Variants in ABCB1 observed in about 807,000 individuals in gnomAD.
ABCB1 encodes ATP binding cassette subfamily B member 1, also known as ATP-dependent translocase ABCB1.
ABCB1 carries 69 observed loss-of-function variants against 142.0 expected under a neutral mutation model. The observed-to-expected ratio is 0.49, with a 90% CI of 0.40 to 0.59. The LOEUF is 0.59. ABCB1 is among the 20% of genes least tolerant of loss of function. The pLI, the probability that ABCB1 is intolerant of heterozygous loss-of-function variation, is 0.00. For synonymous variants in ABCB1, 532 were observed against 539.2 expected, an observed-to-expected ratio of 0.99 and a Z score of 0.18; for missense variants, 1,326 against 1,554.7, an observed-to-expected ratio of 0.85 and a Z score of 2.47.
intron 23 of ABCB1, among the ~76,000 whole-genome samples, chr7:87,518,141 T>C (rs898966223): frequency 6.6e-6 from 1 of 152,258 alleles, no homozygotes; most frequent in Non-Finnish European, 1.5e-5. Flanking sequence ...CTCTGGACTC[T>C]ATGCCTATGT....
At chr7:87,566,742 G>A in intron 6 of ABCB1, 43 bp downstream of exon 6, 1 of 1,576,070 alleles carries the variant, frequency 6.3e-7, no homozygotes, top group Non-Finnish European at 8.7e-7. Context: ...TTTTACTAAG[G>A]ATAAGAACGA....
intron 1 of ABCB1, among the ~76,000 whole-genome samples, chr7:87,691,148 C>A (rs998768642): frequency 3.9e-5 from 6 of 152,012 alleles, no homozygotes; most frequent in African/African-American, 1.4e-4. Context: ...TCAGTCTTAT[C>A]AAGGAAAATT....
intron 22 of ABCB1, among the ~76,000 whole-genome samples, chr7:87,519,857 G>A (rs1815415918): frequency 6.6e-6 from 1 of 152,186 alleles, no homozygotes; most frequent in South Asian, 2.1e-4. Context: ...ACACCTACAA[G>A]GTGCAGGGGC....
chr7:87,655,085 A>G (rs957813017), intron 1 of ABCB1, among the ~76,000 whole-genome samples: 25 of 152,128 alleles, frequency 1.6e-4, no homozygotes, highest in African/African-American at 5.1e-4. Context: ...TAGGAATGTA[A>G]ATTTAGAACA....
At chr7:87,563,198 G>A (rs1277281836) in intron 7 of ABCB1, among the ~76,000 whole-genome samples, 6 of 152,116 alleles carry the variant, frequency 3.9e-5, no homozygotes, top group Non-Finnish European at 8.8e-5. Context: ...AAAAGCCCAG[G>A]ACCAGATGAA....
chr7:87,590,502 G>A (rs1473510332), intron 3 of ABCB1, among the ~76,000 whole-genome samples: 1 of 152,206 alleles, frequency 6.6e-6, no homozygotes, highest in Non-Finnish European at 1.5e-5. Flanking sequence ...GTCAGAGAAT[G>A]TCTTTCTCAG....
At chr7:87,593,990 AATG>A (rs1378864837) in intron 3 of ABCB1, among the ~76,000 whole-genome samples, 1 of 152,122 alleles carries the variant, frequency 6.6e-6, no homozygotes, top group East Asian at 1.9e-4. Context: ...CTGAACACAC[AATG>A]TTTTTTGTCT....
intron 1 of ABCB1, among the ~76,000 whole-genome samples, chr7:87,704,146 C>A (rs1489367581): frequency 6.6e-6 from 1 of 151,840 alleles, no homozygotes; most frequent in Non-Finnish European, 1.5e-5. Context: ...GTCTCGAACT[C>A]CTGAGTTCAA....
chr7:87,600,064 AT>A (rs1819380527), intron 2 of ABCB1, 52 bp downstream of exon 2: 2 of 1,497,270 alleles, frequency 1.3e-6, no homozygotes, highest in East Asian at 4.5e-5. Flanking sequence ...CTAGAAATAA[AT>A]TACTCAAATC....
rs17064 is a variant in ABCB1, at chr7:87,504,154, T to A, written c.*89A>T. Reference sequence around the variant, plus strand: ...GAAATGTTAAACAGATACCTCTTCATAATTCTGTAAGTGTTTGCTTTTAAC... The same window carrying A: ...GAAATGTTAAACAGATACCTCTTCAAAATTCTGTAAGTGTTTGCTTTTAAC... On this transcript the variant is annotated 3_prime_UTR_variant, in exon 28 of 28. Transcript: ENST00000622132. 102,453 of 1,528,412 alleles carry A rather than the reference T, an allele frequency of 0.067. 4,131 individuals carry two copies. Among genetic ancestry groups the A allele is most frequent in the African/African-American group, 0.15 (11,085 of 72,528 alleles). The allele number at this position is 1,528,412 out of a possible 1,614,324, so 94.7% of individuals were successfully genotyped here.
intron 1 of ABCB1, among the ~76,000 whole-genome samples, chr7:87,653,987 A>G (rs912114791): frequency 1.3e-5 from 2 of 152,064 alleles, no homozygotes; most frequent in Admixed American, 1.3e-4. Flanking sequence ...ACTATAGCTT[A>G]TATTTTATTT....
At chr7:87,547,099 G>A (rs1022643214) in intron 14 of ABCB1, among the ~76,000 whole-genome samples, 1 of 152,106 alleles carries the variant, frequency 6.6e-6, no homozygotes, top group Non-Finnish European at 1.5e-5. Flanking sequence ...TCTAACCTTT[G>A]TAACTTTCCC....
chr7:87,570,306 T>C (rs889888311), intron 4 of ABCB1, 83 bp from the exon 5 acceptor site: 4 of 1,274,166 alleles, frequency 3.1e-6, no homozygotes, highest in African/African-American at 2.9e-5. Flanking sequence ...ATCAAACTCA[T>C]TTCATTTAAT....
chr7:87,671,623 C>T (rs1238535034), intron 1 of ABCB1, among the ~76,000 whole-genome samples: 1 of 152,002 alleles, frequency 6.6e-6, no homozygotes, highest in Non-Finnish European at 1.5e-5. Context: ...GAGGTACAGG[C>T]CTGTTGCTGG....
chr7:87,603,570 T>C (rs1819542877), upstream of ABCB1, among the ~76,000 whole-genome samples: 1 of 152,208 alleles, frequency 6.6e-6, no homozygotes, highest in Admixed American at 6.5e-5. Flanking sequence ...ACATCACTTC[T>C]CTCTAATCAT....
intron 4 of ABCB1, among the ~76,000 whole-genome samples, chr7:87,574,672 T>C (rs148118384): frequency 9.1e-4 from 138 of 152,266 alleles, no homozygotes; most frequent in African/African-American, 3.2e-3. Flanking sequence ...GAATGCCCTT[T>C]ATCAAAATTT....
chr7:87,674,437 G>A (rs925585919), intron 1 of ABCB1, among the ~76,000 whole-genome samples: 1 of 152,084 alleles, frequency 6.6e-6, no homozygotes, highest in African/African-American at 2.4e-5. Context: ...CACATCAGTG[G>A]GGGAATAATG....
intron 1 of ABCB1, among the ~76,000 whole-genome samples, chr7:87,639,051 C>T (rs1266229809): frequency 1.3e-5 from 2 of 149,114 alleles, no homozygotes; most frequent in Non-Finnish European, 3.0e-5. Flanking sequence ...ACTCCGGAGG[C>T]TGAGGCAGGA....
At chr7:87,519,565 A>G in intron 22 of ABCB1, 99 bp from the exon 23 acceptor site, 1 of 1,435,962 alleles carries the variant, frequency 7.0e-7, no homozygotes, top group South Asian at 1.2e-5. Flanking sequence ...GGCATGACCA[A>G]CAAAAATGGG....
Sources: allele counts gnomAD v4.1 joint callset (sites outside exome capture counted in the v4.1 genomes callset), GRCh38; gene constraint gnomAD v4.1.1; transcripts MANE v1.5; gene names NCBI Gene and HGNC (gene_info 2026-07-23, HGNC 2026-07-21).